Variants in SNTG1 observed in about 807,000 individuals in gnomAD.
SNTG1 encodes the protein syntrophin gamma 1.
A neutral mutation model predicts 74.7 loss-of-function variants in SNTG1; 39 were observed. The observed-to-expected ratio is 0.52, with a 90% CI of 0.40 to 0.68. The LOEUF (loss-of-function observed/expected upper bound fraction) is 0.68, where lower values mean the gene tolerates loss of function less well. Among genes scored for constraint, SNTG1 ranks in the 30% least tolerant of loss-of-function variants. SNTG1 has a pLI of 0.00. For synonymous variants in SNTG1, 254 were observed against 217.1 expected, an observed-to-expected ratio of 1.17 and a Z score of -1.49; for missense variants, 685 against 609.5, an observed-to-expected ratio of 1.12 and a Z score of -1.30.
intron 4 of SNTG1, among the ~76,000 whole-genome samples, chr8:50,435,702 A>C (rs2093294693): frequency 6.6e-6 from 1 of 152,150 alleles, no homozygotes; most frequent in African/African-American, 2.4e-5. Context: ...AAAGTAAGCT[A>C]ATGAAGAAGC....
At chr8:50,013,215 A>C (rs1815981086) in intron 1 of SNTG1, among the ~76,000 whole-genome samples, 1 of 152,174 alleles carries the variant, frequency 6.6e-6, no homozygotes, top group African/African-American at 2.4e-5. Context: ...AAACAGTACT[A>C]TTCTTTGAGT....
At chr8:50,548,716 G>A (rs1295893685) in intron 11 of SNTG1, among the ~76,000 whole-genome samples, 1 of 152,076 alleles carries the variant, frequency 6.6e-6, no homozygotes, top group Non-Finnish European at 1.5e-5. Flanking sequence ...AAGTCGAGGG[G>A]CACTAAAGTG....
In SNTG1 at chr8:50,207,637, A is replaced by T. The variant is rs996928701; in HGVS notation, c.-28+35002A>T. ...TGAATGTGTTTGCTCTTGCTTCTCT[A>T]GTTCTTTTAGTTGTGATATTATGGT... On this transcript the variant is annotated intron_variant, in intron 2 of 18. Transcript: ENST00000642720. Among the ~76,000 whole-genome samples, 4 of 151,792 alleles carry T rather than the reference A, an allele frequency of 2.6e-5. No individual in the cohort carries two copies. The South Asian group carries it at 8.3e-4, about 32-fold the overall frequency.
intron 12 of SNTG1, 149 bp from the exon 13 acceptor site, chr8:50,590,730 A>G (rs887844078): frequency 5.6e-5 from 27 of 482,006 alleles, no homozygotes; most frequent in South Asian, 6.8e-5. Context: ...ATCTGTTTAT[A>G]TATGTTGTTT....
At chr8:50,170,681 G>T (rs969540413) in intron 1 of SNTG1, among the ~76,000 whole-genome samples, 1 of 152,176 alleles carries the variant, frequency 6.6e-6, no homozygotes, top group African/African-American at 2.4e-5. Context: ...ATTCTATGCA[G>T]TCTCACAATG....
chr8:50,281,119 G>A (rs1049950473), intron 2 of SNTG1, among the ~76,000 whole-genome samples: 2 of 151,904 alleles, frequency 1.3e-5, no homozygotes, highest in East Asian at 3.9e-4. Flanking sequence ...ATATGTCAAA[G>A]AAATATGTTT....
At chr8:50,716,295 A>G (rs1388541413) in intron 17 of SNTG1, among the ~76,000 whole-genome samples, 1 of 152,178 alleles carries the variant, frequency 6.6e-6, no homozygotes, top group African/African-American at 2.4e-5. Flanking sequence ...TGAAACATCA[A>G]AATGAATTCT....
chr8:49,964,434 T>TTC (rs1315351674), intron 1 of SNTG1, among the ~76,000 whole-genome samples: 1 of 152,110 alleles, frequency 6.6e-6, no homozygotes, highest in Non-Finnish European at 1.5e-5. Context: ...GTTTCTCTAG[T>TTC]TCTCTCTCTC....
At chr8:50,756,785 A>C (rs1366834630) in intron 18 of SNTG1, among the ~76,000 whole-genome samples, 1 of 151,662 alleles carries the variant, frequency 6.6e-6, no homozygotes, top group South Asian at 2.1e-4. Context: ...TTTAGAATCA[A>C]TTTGTCAATA....
intron 1 of SNTG1, among the ~76,000 whole-genome samples, chr8:49,945,622 G>C (rs1004755177): frequency 6.6e-6 from 1 of 152,100 alleles, no homozygotes; most frequent in South Asian, 2.1e-4. Context: ...CTGCAGATTC[G>C]CTGGGTTCAT....
chr8:49,940,282 C>T (rs1808565282), intron 1 of SNTG1, among the ~76,000 whole-genome samples: 1 of 152,138 alleles, frequency 6.6e-6, no homozygotes, highest in Non-Finnish European at 1.5e-5. Context: ...CAGAGGATCC[C>T]AGCACCCAGG....
At chr8:49,967,080 T>G (rs190952954) in intron 1 of SNTG1, among the ~76,000 whole-genome samples, 1 of 152,324 alleles carries the variant, frequency 6.6e-6, no homozygotes, top group East Asian at 1.9e-4. Context: ...TTATACTCAC[T>G]ATTGGCCAGG....
intron 18 of SNTG1, among the ~76,000 whole-genome samples, chr8:50,790,772 C>A (rs1017649890): frequency 5.3e-5 from 8 of 151,888 alleles, no homozygotes; most frequent in East Asian, 1.9e-4. Flanking sequence ...CAATCTATAT[C>A]AAATTATTGA....
chr8:50,334,490 CATTT>C (rs768404207), intron 2 of SNTG1, among the ~76,000 whole-genome samples: 18 of 148,666 alleles, frequency 1.2e-4, no homozygotes, highest in Non-Finnish European at 2.2e-4. Context: ...ATTTTGTCCT[CATTT>C]ATATCTCTGC....
chr8:50,690,206 G>A (rs1009309273), intron 15 of SNTG1, among the ~76,000 whole-genome samples: 27 of 152,028 alleles, frequency 1.8e-4, no homozygotes, highest in African/African-American at 6.3e-4. Flanking sequence ...CCGGCTCCTG[G>A]ATTCATTAAT....
intron 1 of SNTG1, among the ~76,000 whole-genome samples, chr8:50,103,400 A>C (rs902204751): frequency 6.6e-6 from 1 of 152,132 alleles, no homozygotes; most frequent in Non-Finnish European, 1.5e-5. Flanking sequence ...TGATTTTTGT[A>C]CATTGATTTT....
At chr8:50,736,657 A>G (rs1402568404) in intron 17 of SNTG1, among the ~76,000 whole-genome samples, 4 of 152,118 alleles carry the variant, frequency 2.6e-5, no homozygotes, top group African/African-American at 9.7e-5. Flanking sequence ...TTATTCTAAA[A>G]TTGACCACAA....
intron 9 of SNTG1, among the ~76,000 whole-genome samples, chr8:50,523,504 A>G (rs2094196634): frequency 6.6e-6 from 1 of 152,094 alleles, no homozygotes; most frequent in Non-Finnish European, 1.5e-5. Context: ...CTTTGTTCTA[A>G]TTTCAATATT....
intron 18 of SNTG1, chr8:50,762,843 C>A (rs1168837185): frequency 2.6e-5 from 10 of 383,856 alleles, no homozygotes; most frequent in Non-Finnish European, 5.2e-5. Flanking sequence ...GGTTCCTGCT[C>A]CGAAGCCAGA....
Sources: gnomAD v4.1 joint callset for allele counts (sites outside exome capture counted in the v4.1 genomes callset) on GRCh38, gnomAD v4.1.1 for gene constraint, MANE v1.5 for transcripts, NCBI Gene and HGNC (gene_info 2026-07-23, HGNC 2026-07-21) for gene names.